Variants in EGFR observed in about 807,000 individuals in gnomAD.
The protein encoded by EGFR is epidermal growth factor receptor.
EGFR carries 58 observed loss-of-function variants against 143.0 expected under a neutral mutation model. The observed-to-expected ratio is 0.41, with a 90% CI of 0.33 to 0.50. The LOEUF (loss-of-function observed/expected upper bound fraction) is 0.50, where lower values mean the gene tolerates loss of function less well. Among genes scored for constraint, EGFR ranks in the 20% least tolerant of loss-of-function variants. EGFR has a pLI of 0.39. For missense variants in EGFR, 1,307 were observed against 1,579.0 expected (o/e 0.83, Z 2.92); for synonymous variants, 613 against 594.4 (o/e 1.03, Z -0.45).
At chr7:55,059,716 T>C (rs966702014) in intron 1 of EGFR, among the ~76,000 whole-genome samples, 1 of 152,204 alleles carries the variant, frequency 6.6e-6, no homozygotes, top group African/African-American at 2.4e-5. Context: ...ATGTACACCA[T>C]ATTTTAATAA....
chr7:55,160,984 C>T (rs1460112402), intron 12 of EGFR, among the ~76,000 whole-genome samples: 1 of 152,272 alleles, frequency 6.6e-6, no homozygotes, highest in Non-Finnish European at 1.5e-5. Flanking sequence ...ACACAGCACA[C>T]AGCCAATGGC....
intron 4 of EGFR, 92 bp from the exon 5 acceptor site, chr7:55,151,202 T>G: frequency 8.1e-7 from 1 of 1,240,354 alleles, no homozygotes; most frequent in African/African-American, 1.5e-5. Context: ...TTGTCTTCAT[T>G]TATTGAATGT....
intron 20 of EGFR, among the ~76,000 whole-genome samples, chr7:55,182,722 C>T (rs1035736579): frequency 2.6e-5 from 4 of 152,142 alleles, no homozygotes; most frequent in Admixed American, 1.3e-4. Flanking sequence ...CCACAGGCGG[C>T]CCCCAGCACC....
chr7:55,048,891 T>G (rs1788328230), intron 1 of EGFR, among the ~76,000 whole-genome samples: 1 of 152,202 alleles, frequency 6.6e-6, no homozygotes, highest in Non-Finnish European at 1.5e-5. Flanking sequence ...AGCATGTGAG[T>G]GTTGATGGCT....
At chr7:55,124,546 G>A (rs1793407932) in intron 1 of EGFR, among the ~76,000 whole-genome samples, 1 of 152,172 alleles carries the variant, frequency 6.6e-6, no homozygotes, top group South Asian at 2.1e-4. Flanking sequence ...CATGAAATCT[G>A]CATTATCATC....
intron 1 of EGFR, among the ~76,000 whole-genome samples, chr7:55,135,033 G>C (rs964882684): frequency 6.6e-6 from 1 of 152,168 alleles, no homozygotes; most frequent in Non-Finnish European, 1.5e-5. Context: ...GATGTCACTG[G>C]AAGCATATTC....
chr7:55,121,923 C>A (rs888831882), intron 1 of EGFR, among the ~76,000 whole-genome samples: 2 of 152,230 alleles, frequency 1.3e-5, no homozygotes, highest in African/African-American at 4.8e-5. Flanking sequence ...TTCCCTGCTG[C>A]CCAGTTCAGT....
chr7:55,095,991 A>C (rs761936655), intron 1 of EGFR, among the ~76,000 whole-genome samples: 6 of 152,176 alleles, frequency 3.9e-5, no homozygotes, highest in South Asian at 4.1e-4. Context: ...ACACACAGAG[A>C]CACACAGACA....
intron 18 of EGFR, among the ~76,000 whole-genome samples, chr7:55,174,442 A>T (rs1215502624): frequency 1.3e-5 from 2 of 152,248 alleles, no homozygotes; most frequent in Non-Finnish European, 2.9e-5. Flanking sequence ...ACGCAGCATC[A>T]TTAAATTCTG....
In EGFR at chr7:55,167,092, G is replaced by A; in HGVS notation, c.1880+1655G>A. On this transcript the variant is annotated intron_variant, in intron 15 of 27. Coordinates refer to ENST00000275493, the MANE Select transcript of EGFR (RefSeq NM_005228.5). ...TGGTGTTGATGGTGGTGATGATGAT[G>A]AGGAGGTGGGAGTCACAATGGTGTC... Among the ~76,000 whole-genome samples the A allele has an allele frequency of 1.4e-5, 2 of 141,130 alleles. 1 individual carries two copies. Among genetic ancestry groups the A allele is most frequent in the African/African-American group, 5.5e-5 (2 of 36,484 alleles). 92.6% of individuals were successfully genotyped at this position (141,130 alleles called of 152,430 possible).
intron 1 of EGFR, among the ~76,000 whole-genome samples, chr7:55,059,495 G>A (rs900214994): frequency 3.3e-5 from 5 of 151,968 alleles, no homozygotes; most frequent in Admixed American, 6.6e-5. Flanking sequence ...CACAGGTTGC[G>A]TTAGGGGTCA....
intron 1 of EGFR, among the ~76,000 whole-genome samples, chr7:55,058,278 C>T (rs1290218029): frequency 6.6e-6 from 1 of 152,108 alleles, no homozygotes; most frequent in African/African-American, 2.4e-5. Context: ...CCTGTAATCC[C>T]AGCTACTCGG....
At chr7:55,074,914 G>A (rs1790049056) in intron 1 of EGFR, among the ~76,000 whole-genome samples, 1 of 152,188 alleles carries the variant, frequency 6.6e-6, no homozygotes, top group South Asian at 2.1e-4. Context: ...TGGTATTTTA[G>A]AAATCTATTT....
Position 55,201,217 on chromosome 7 carries a change from T to C in EGFR, c.2976T>C (p.Pro992=), listed in dbSNP as rs1787831817. 1 of 1,614,052 alleles carries C rather than the reference T, an allele frequency of 6.2e-7. No homozygotes were observed. The highest frequency in any genetic ancestry group is 8.5e-7 in the Non-Finnish European group (1 of 1,180,044). Residue 992 remains proline (P), a synonymous_variant, in exon 25 of 28, where the codon CCT becomes CCC. Transcript: ENST00000275493. ...ATGAAAGAATGCATTTGCCAAGTCCTACAGACTCCAACTTCTACCGTGCCC... is the reference window on the plus strand; with the variant it reads ...ATGAAAGAATGCATTTGCCAAGTCCCACAGACTCCAACTTCTACCGTGCCC... ...QGDERMHLPS[P]TDSNFYRALM...
intron 10 of EGFR, 49 bp from the exon 11 acceptor site, chr7:55,157,614 A>C: frequency 6.5e-7 from 1 of 1,528,224 alleles, no homozygotes; most frequent in Non-Finnish European, 9.1e-7. Flanking sequence ...TCATACAAAA[A>C]AGAAACTCCT....
intron 1 of EGFR, among the ~76,000 whole-genome samples, chr7:55,103,951 A>C (rs1319495768): frequency 6.6e-6 from 1 of 152,204 alleles, no homozygotes; most frequent in Non-Finnish European, 1.5e-5. Context: ...CATTACTTGC[A>C]TTATATTCAT....
Position 55,159,863 on chromosome 7 carries a change from T to C in EGFR, c.1299-276T>C, listed in dbSNP as rs185180657. ...TCTCAATTTCCAGGCAAAATGAAAA[T>C]GGAGAAAATATAATGACATTAAGGC... is the stretch of plus-strand genomic sequence containing the variant. On this transcript the variant is annotated intron_variant, in intron 11 of 27. Transcript: ENST00000275493. Among the ~76,000 whole-genome samples, 13 of 152,274 alleles carry C rather than the reference T, an allele frequency of 8.5e-5. No individual in the cohort carries two copies. In the East Asian group the frequency reaches 2.1e-3, roughly 25 times the overall value.
intron 1 of EGFR, among the ~76,000 whole-genome samples, chr7:55,072,435 C>T (rs1789886832): frequency 6.6e-6 from 1 of 152,192 alleles, no homozygotes; most frequent in Non-Finnish European, 1.5e-5. Flanking sequence ...CCTGCATTTT[C>T]TGGTGGGCAC....
Position 55,133,958 on chromosome 7 carries a change from G to A in EGFR, c.89-8328G>A, listed in dbSNP as rs73344716. ...AACATGAGTAAGCAAAAGTCTCAGC[G>A]CAGAGATTAGACAAGTAGAATGCTG... On this transcript the variant is annotated intron_variant, in intron 1 of 27. Coordinates refer to ENST00000275493, the MANE Select transcript of EGFR (RefSeq NM_005228.5). 5.7e-3 allele frequency among the ~76,000 whole-genome samples: 865 copies of A among 152,318 alleles called. 4 individuals are homozygous for A. The highest frequency in any genetic ancestry group is 0.02 in the African/African-American group (824 of 41,568).
Sources: allele counts gnomAD v4.1 joint callset (sites outside exome capture counted in the v4.1 genomes callset), GRCh38; gene constraint gnomAD v4.1.1; transcripts MANE v1.5; gene names NCBI Gene and HGNC (gene_info 2026-07-23, HGNC 2026-07-21).